Variants in LPP observed in about 807,000 individuals in gnomAD.
LPP encodes the protein lipoma-preferred partner.
Under a neutral mutation model 60.4 loss-of-function variants are expected in LPP, and 38 were observed. That is an observed-to-expected ratio of 0.63 (90% CI 0.49 to 0.83). The LOEUF is 0.83. Among genes scored for constraint, LPP ranks in the 40% least tolerant of loss-of-function variants. The pLI is 0.00. For missense variants in LPP, 902 were observed against 783.6 expected (o/e 1.15, Z -1.80); for synonymous variants, 328 against 290.8 (o/e 1.13, Z -1.30).
Position 188,874,674 on chromosome 3 carries a change from G to A in LPP, c.*195G>A. The A allele has an allele frequency of 3.5e-6, 2 of 574,302 alleles. No individual in the cohort carries two copies. Among genetic ancestry groups the A allele is most frequent in the Middle Eastern group, 4.8e-4 (1 of 2,072 alleles). 35.6% of individuals were successfully genotyped at this position (574,302 alleles called of 1,614,324 possible). ...TACACATTTCACATTGAATCATGTA[G>A]GATCTTGATGGGCCTTTGTTCCCAA... On this transcript the variant is annotated 3_prime_UTR_variant, in exon 12 of 12. Coordinates refer to ENST00000617246, the MANE Select transcript of LPP (RefSeq NM_001375462.1).
chr3:188,452,708 C>T (rs1796876195), intron 4 of LPP, among the ~76,000 whole-genome samples: 1 of 152,200 alleles, frequency 6.6e-6, no homozygotes, highest in African/African-American at 2.4e-5. Context: ...TGTTTACTGG[C>T]TTCTGCCTAA....
chr3:188,777,060 C>A (rs978589660), intron 9 of LPP, among the ~76,000 whole-genome samples: 1 of 152,174 alleles, frequency 6.6e-6, no homozygotes, highest in Non-Finnish European at 1.5e-5. Flanking sequence ...AATTATACAT[C>A]CTTTAGCATT....
At chr3:188,249,901 A>T (rs77645013) in intron 2 of LPP, among the ~76,000 whole-genome samples, 4,460 of 87,666 alleles carry the variant, frequency 0.051, 98 homozygotes, top group African/African-American at 0.065. Flanking sequence ...ATATATATAT[A>T]TTTTTTTTTT....
Position 188,720,358 on chromosome 3 carries a change from C to T in LPP, c.1240+11965C>T, listed in dbSNP as rs1715826785. Among the ~76,000 whole-genome samples, 3 of 152,066 alleles carry T rather than the reference C, an allele frequency of 2.0e-5. No individual in the cohort carries two copies. The South Asian group carries it at 6.2e-4, about 31-fold the overall frequency. ...AAAGCATTTGTCAAATCCTCTAGGGCCAAGGGCTTTGATAGAGAACAGATT... is the reference window on the plus strand; with the variant it reads ...AAAGCATTTGTCAAATCCTCTAGGGTCAAGGGCTTTGATAGAGAACAGATT... On this transcript the variant is annotated intron_variant, in intron 8 of 11. Transcript: ENST00000617246.
chr3:188,693,681 A>C (rs1439066613), intron 7 of LPP, among the ~76,000 whole-genome samples: 1 of 152,220 alleles, frequency 6.6e-6, no homozygotes, highest in East Asian at 1.9e-4. Flanking sequence ...ACATCTGTTC[A>C]TGCCAGCTGT....
At chr3:188,216,579 C>T (rs945291964) in intron 1 of LPP, among the ~76,000 whole-genome samples, 3 of 152,164 alleles carry the variant, frequency 2.0e-5, no homozygotes, top group Non-Finnish European at 4.4e-5. Context: ...CCTAACTCTG[C>T]TCATAATGCA....
Position 188,884,056 on chromosome 3 carries a change from A to C in LPP, c.*9577A>C. 1 of 222,744 alleles carries C rather than the reference A, an allele frequency of 4.5e-6. No homozygotes were observed. Among genetic ancestry groups the C allele is most frequent in the East Asian group, 6.6e-5 (1 of 15,226 alleles). 13.8% of individuals were successfully genotyped at this position (222,744 alleles called of 1,614,324 possible). A position where few individuals can be genotyped will look rare whatever the true frequency, so the allele number is the denominator to read the frequency against. ...AGCACTGTAAGCAGAAACTGCCATC[A>C]GTCTCCTGGGCAGGACCTGGAGGTA... On this transcript the variant is annotated 3_prime_UTR_variant, in exon 12 of 12. Coordinates refer to ENST00000617246, the MANE Select transcript of LPP (RefSeq NM_001375462.1).
intron 7 of LPP, among the ~76,000 whole-genome samples, chr3:188,688,064 C>T (rs183995842): frequency 2.0e-4 from 30 of 152,266 alleles, no homozygotes; most frequent in Admixed American, 5.9e-4. Flanking sequence ...GCAGAAGAAC[C>T]ATGACCTTGC....
At chr3:188,733,220 G>A (rs1354111784) in intron 8 of LPP, among the ~76,000 whole-genome samples, 3 of 151,944 alleles carry the variant, frequency 2.0e-5, no homozygotes, top group Non-Finnish European at 4.4e-5. Context: ...TTTCTCTGCT[G>A]CAGAGTGACT....
At chr3:188,318,418 C>CAAAAAAAAAAAA in intron 2 of LPP, among the ~76,000 whole-genome samples, 1 of 130,218 alleles carries the variant, frequency 7.7e-6, no homozygotes, top group African/African-American at 2.7e-5. Context: ...TCCAAAAAAA[C>CAAAAAAAAAAAA]AAAAAAAAAA....
intron 2 of LPP, among the ~76,000 whole-genome samples, chr3:188,262,749 GA>G (rs879485029): frequency 5.5e-4 from 82 of 149,674 alleles, no homozygotes; most frequent in Non-Finnish European, 9.5e-4. Flanking sequence ...CACACACGGG[GA>G]AAAAAAATCA....
rs114858616 is a variant in LPP, at chr3:188,537,802, A to G, written c.429+13015A>G. Among the ~76,000 whole-genome samples, 812 of 152,272 alleles carry G rather than the reference A, an allele frequency of 5.3e-3. 6 individuals are homozygous for G. The highest frequency in any genetic ancestry group is 0.018 in the African/African-American group (767 of 41,540). On this transcript the variant is annotated intron_variant, in intron 6 of 11. Coordinates refer to ENST00000617246, the MANE Select transcript of LPP (RefSeq NM_001375462.1). ...CCAGAATTGCCAAAATCATCTTGAAAAAGATGAGGAAGTTTCCGACACACA... is the reference window on the plus strand; with the variant it reads ...CCAGAATTGCCAAAATCATCTTGAAGAAGATGAGGAAGTTTCCGACACACA...
At chr3:188,587,732 TTAAA>T (rs1189094230) in intron 6 of LPP, among the ~76,000 whole-genome samples, 1 of 152,244 alleles carries the variant, frequency 6.6e-6, no homozygotes, top group African/African-American at 2.4e-5. Flanking sequence ...ACTCAGGACT[TTAAA>T]TAAGTTGCGA....
At chr3:188,202,512 A>G (rs1731359862) in intron 1 of LPP, among the ~76,000 whole-genome samples, 1 of 152,222 alleles carries the variant, frequency 6.6e-6, no homozygotes, top group Non-Finnish European at 1.5e-5. Context: ...GTCTGCATCA[A>G]TGCTCTTGCA....
At chr3:188,491,590 C>G (rs7653763) in intron 5 of LPP, among the ~76,000 whole-genome samples, 136,430 of 152,184 alleles carry the variant, frequency 0.9, 61,551 homozygotes, top group Non-Finnish European at 0.95. Flanking sequence ...GCAATAGCAG[C>G]AGCAGCTTGC....
chr3:188,574,318 G>A lies in LPP; in HGVS notation c.430-34843G>A, dbSNP rs535200238. 3.3e-5 allele frequency among the ~76,000 whole-genome samples: 5 copies of A among 152,284 alleles called. No homozygotes were observed. The South Asian group carries it at 8.3e-4, about 25-fold the overall frequency. On this transcript the variant is annotated intron_variant, in intron 6 of 11. Transcript: ENST00000617246. The stretch of plus-strand genomic sequence containing the variant: ...GCTCCCTGTTTGGATAGATGTGACT[G>A]AAATGTAAAATACCTTTCACTGCCT...
intron 9 of LPP, among the ~76,000 whole-genome samples, chr3:188,779,177 A>G (rs899238325): frequency 1.3e-5 from 2 of 152,178 alleles, no homozygotes; most frequent in South Asian, 2.1e-4. Context: ...ACTTATAGAA[A>G]TTCTTGCAGT....
chr3:188,872,609 C>G (rs1198427474), intron 10 of LPP, 34 bp from the exon 11 acceptor site: 1 of 1,613,784 alleles, frequency 6.2e-7, no homozygotes, highest in South Asian at 1.1e-5. Flanking sequence ...TGTCGACGCG[C>G]AGTATCTAAC....
At chr3:188,452,865 T>C (rs1342657636) in intron 4 of LPP, among the ~76,000 whole-genome samples, 1 of 152,192 alleles carries the variant, frequency 6.6e-6, no homozygotes, top group East Asian at 1.9e-4. Context: ...TTGTATTCCC[T>C]CTTTAAATCT....
Sources: gnomAD v4.1 joint callset for allele counts (sites outside exome capture counted in the v4.1 genomes callset) on GRCh38, gnomAD v4.1.1 for gene constraint, MANE v1.5 for transcripts, NCBI Gene and HGNC (gene_info 2026-07-23, HGNC 2026-07-21) for gene names.